Variants in IQSEC3 observed in about 807,000 individuals in gnomAD.
IQSEC3 encodes the protein IQ motif and SEC7 domain-containing protein 3.
A neutral mutation model predicts 105.4 loss-of-function variants in IQSEC3; 50 were observed. That is an observed-to-expected ratio of 0.47 (90% CI 0.38 to 0.60). The LOEUF is 0.60. IQSEC3 is among the 20% of genes least tolerant of loss of function. The pLI is 0.00. For synonymous variants in IQSEC3, 708 were observed against 746.0 expected (o/e 0.95, Z 0.83); for missense variants, 1,415 against 1,630.0 (o/e 0.87, Z 2.27).
At chr12:126,360 A>G (rs551775073) in intron 3 of IQSEC3, among the ~76,000 whole-genome samples, 2 of 152,248 alleles carry the variant, frequency 1.3e-5, no homozygotes, top group African/African-American at 4.8e-5. Flanking sequence ...AGCAGACAGG[A>G]TTCCCAAGAT....
At chr12:102,794 G>T (rs1405703105) in intron 2 of IQSEC3, among the ~76,000 whole-genome samples, 1 of 152,212 alleles carries the variant, frequency 6.6e-6, no homozygotes, top group African/African-American at 2.4e-5. Context: ...TGTCTGCAAA[G>T]GGAGGCTGAA....
At chr12:102,827 G>C (rs138110237) in intron 2 of IQSEC3, among the ~76,000 whole-genome samples, 1 of 152,338 alleles carries the variant, frequency 6.6e-6, no homozygotes, top group African/African-American at 2.4e-5. Context: ...GCGATCTGGA[G>C]TACAGTGGAG....
Position 165,852 on chromosome 12 carries a change from T to C in IQSEC3, c.2933T>C (p.Ile978Thr). ...TTCGTGGAGGACCTGAAGGAGTCCA[T>C]TGCTGAGGTGACGGAGCTGGAGCAG... ...QKFVEDLKES[I>T]AEVTELEQIR... is the part of the protein sequence containing the mutation. The change falls in exon 11 of 14, where the codon ATT becomes ACT. Residue 978 changes from isoleucine (I) to threonine (T), a missense_variant. This residue lies in a region of IQSEC3 where 419 missense variants were observed against 436.2 expected (regional missense o/e 0.96). Transcript: ENST00000538872. The C allele has an allele frequency of 6.2e-7, 1 of 1,614,056 alleles. No homozygotes were observed. The highest frequency in any genetic ancestry group is 8.5e-7 in the Non-Finnish European group (1 of 1,180,018).
intron 1 of IQSEC3, among the ~76,000 whole-genome samples, chr12:89,288 A>G (rs1266241766): frequency 6.6e-6 from 1 of 152,080 alleles, no homozygotes; most frequent in African/African-American, 2.4e-5. Flanking sequence ...GGAAAGAAAA[A>G]TATAATGTCT....
At chr12:75,811 G>A (rs186740850) in intron 1 of IQSEC3, among the ~76,000 whole-genome samples, 73 of 152,364 alleles carry the variant, frequency 4.8e-4, no homozygotes, top group Admixed American at 8.5e-4. Context: ...GGAAGAGTTG[G>A]GCAGAAGGGA....
intron 5 of IQSEC3, among the ~76,000 whole-genome samples, chr12:151,965 C>T (rs2137030654): frequency 6.6e-6 from 1 of 152,258 alleles, no homozygotes. Context: ...TTGTCCTCTC[C>T]TGGAACCGTC....
At position 138,321 on chromosome 12, in the gene IQSEC3, T is replaced by C; in HGVS notation, c.958T>C (p.Cys320Arg). The change falls in exon 4 of 14, where the codon TGC becomes CGC. Residue 320 changes from cysteine to arginine, a missense_variant. By Grantham distance (180) the Cys-to-Arg change is radical. Coordinates refer to ENST00000538872, the MANE Select transcript of IQSEC3 (RefSeq NM_001170738.2). The surrounding 1 kb of genome is among the most constrained non-coding windows in gnomAD (Gnocchi z 7.1). ...TCACCTGGTGTCCCGGCGCGCCGCT[T>C]GCACCATCCAAACCGCCTTCCGCCA... Reference protein sequence around the residue: ...GGHLVSRRAACTIQTAFRQYQ... With the variant: ...GGHLVSRRAARTIQTAFRQYQ... The C allele has an allele frequency of 6.2e-7, 1 of 1,613,926 alleles. No homozygotes were observed. The highest frequency in any genetic ancestry group is 8.5e-7 in the Non-Finnish European group (1 of 1,179,998).
At chr12:142,617 G>A (rs1398610231) in intron 5 of IQSEC3, 2 of 152,264 alleles carry the variant, frequency 1.3e-5, no homozygotes, top group Non-Finnish European at 2.9e-5. Flanking sequence ...AGCTGCTGGT[G>A]GAGACGCTCT....
In IQSEC3 at chr12:138,306, T is replaced by C; in HGVS notation, c.943T>C (p.Ser315Pro). 1 of 1,613,856 alleles carries C rather than the reference T, an allele frequency of 6.2e-7. No homozygotes were observed. Among genetic ancestry groups the C allele is most frequent in the Middle Eastern group, 1.7e-4 (1 of 6,058 alleles). ...ACATAAGTACGGCGGTCACCTGGTG[T>C]CCCGGCGCGCCGCTTGCACCATCCA... ...LEHKYGGHLV[S>P]RRAACTIQTA... Residue 315 changes from serine to proline, a missense_variant, in exon 4 of 14, where the codon TCC becomes CCC. Coordinates refer to ENST00000538872, the MANE Select transcript of IQSEC3 (RefSeq NM_001170738.2). The surrounding 1 kb of genome is among the most constrained non-coding windows in gnomAD (Gnocchi z 7.1).
rs931438328 is a variant in IQSEC3, at chr12:175,102, C to T, written c.*69C>T. On this transcript the variant is annotated 3_prime_UTR_variant, in exon 14 of 14. Transcript: ENST00000538872. The stretch of plus-strand genomic sequence containing the variant: ...GGGGGCCTGGGCTGCCCCTCCACTG[C>T]TCCCCATACCCTGGCACGATGCGTT... 4.2e-6 allele frequency: 5 copies of T among 1,198,026 alleles called. No homozygotes were observed. The highest frequency in any genetic ancestry group is 1.6e-5 in the South Asian group (1 of 63,100). The allele number at this position is 1,198,026 out of a possible 1,614,324, so 74.2% of individuals were successfully genotyped here. A position where few individuals can be genotyped will look rare whatever the true frequency, so the allele number is the denominator to read the frequency against.
chr12:138,636 A>C lies in IQSEC3; in HGVS notation c.1273A>C (p.Met425Leu). The C allele has an allele frequency of 6.3e-7, 1 of 1,583,714 alleles. No individual in the cohort carries two copies. Among genetic ancestry groups the C allele is most frequent in the Non-Finnish European group, 8.5e-7 (1 of 1,172,808 alleles). ...DALSTWSLKT[M>L]CSLRESGAYQ... ...GCTCAGCACGTGGAGCCTCAAGACC[A>C]TGTGCTCCCTGCGGGAGAGTGGCGC... Residue 425 changes from methionine to leucine, a missense_variant, in exon 4 of 14, where the codon ATG becomes CTG. This residue lies in a region of IQSEC3 where 720 missense variants were observed against 633.0 expected (regional missense o/e 1.14). Coordinates refer to ENST00000538872, the MANE Select transcript of IQSEC3 (RefSeq NM_001170738.2). The surrounding 1 kb of genome is among the most constrained non-coding windows in gnomAD (Gnocchi z 7.1).
intron 5 of IQSEC3, among the ~76,000 whole-genome samples, chr12:150,829 T>C (rs909146341): frequency 3.3e-5 from 5 of 152,216 alleles, no homozygotes; most frequent in Non-Finnish European, 7.3e-5. Flanking sequence ...GGCAGGGTTC[T>C]GATTTGTAAG....
At chr12:158,460 G>A (rs369434807) in intron 7 of IQSEC3, among the ~76,000 whole-genome samples, 1 of 152,068 alleles carries the variant, frequency 6.6e-6, no homozygotes, top group African/African-American at 2.4e-5. Flanking sequence ...GTACGGTCAC[G>A]TGCACTGTGT....
intron 9 of IQSEC3, 150 bp downstream of exon 9, chr12:163,769 T>A (rs1867037564): frequency 1.4e-6 from 1 of 696,182 alleles, no homozygotes; most frequent in African/African-American, 1.8e-5. Flanking sequence ...GCCTTCATGG[T>A]GCTTTCACAC....
Position 103,193 on chromosome 12 carries a change from C to A in IQSEC3, c.623+3979C>A, listed in dbSNP as rs78169037. Among the ~76,000 whole-genome samples, 391 of 151,878 alleles carry A rather than the reference C, an allele frequency of 2.6e-3. 3 individuals are homozygous for A. The East Asian group carries it at 0.03, about 12-fold the overall frequency. The stretch of plus-strand genomic sequence containing the variant: ...CCTGCCGCCTCCCTTCCCTTTCAGG[C>A]TCTCAGTGACAATGACCCGGTAGCT... On this transcript the variant is annotated intron_variant, in intron 2 of 13. Coordinates refer to ENST00000538872, the MANE Select transcript of IQSEC3 (RefSeq NM_001170738.2).
rs369655080 is a variant in IQSEC3 at position 66,915 on chromosome 12, C to A, written c.33C>A (p.Ala11=). Residue 11 remains alanine (A), a synonymous_variant, in exon 1 of 14, where the codon GCC becomes GCA. Transcript: ENST00000538872. Reference sequence around the variant, plus strand: ...GCCTGCTGGAGAATCCGGTGCGCGCCGTGCTCTACCTCAAGGAGCTCACGG... The same window carrying A: ...GCCTGCTGGAGAATCCGGTGCGCGCAGTGCTCTACCTCAAGGAGCTCACGG... The part of the protein sequence containing the change: MESLLENPVR[A]VLYLKELTAI... 352 of 1,494,152 alleles carry A rather than the reference C, an allele frequency of 2.4e-4. No homozygotes were observed. In the African/African-American group the frequency reaches 4.7e-3, roughly 20 times the overall value. 92.6% of individuals were successfully genotyped at this position (1,494,152 alleles called of 1,614,324 possible).
chr12:160,139 T>C (rs545628775), intron 7 of IQSEC3, among the ~76,000 whole-genome samples: 2 of 151,480 alleles, frequency 1.3e-5, no homozygotes, highest in East Asian at 1.9e-4. Flanking sequence ...TGTTTTTCTC[T>C]CTGTTTGCCT....
At chr12:156,942 C>T in intron 5 of IQSEC3, 83 bp from the exon 6 acceptor site, 1 of 1,410,608 alleles carries the variant, frequency 7.1e-7, no homozygotes, top group South Asian at 1.6e-5. Context: ...CCTGTCCTGG[C>T]TGGGAACAGA....
At chr12:71,080 A>T (rs1555067398) in intron 1 of IQSEC3, among the ~76,000 whole-genome samples, 1 of 152,246 alleles carries the variant, frequency 6.6e-6, no homozygotes, top group Non-Finnish European at 1.5e-5. Flanking sequence ...TTAAACACAA[A>T]ATCAATCTTG....
Sources: gnomAD v4.1 joint callset for allele counts (sites outside exome capture counted in the v4.1 genomes callset) on GRCh38, gnomAD v4.1.1 for gene constraint, gnomAD v4.1.1 regional missense constraint, Gnocchi (gnomAD v3.1) non-coding constraint, MANE v1.5 for transcripts, NCBI Gene and HGNC (gene_info 2026-07-23, HGNC 2026-07-21) for gene names.